The following MKLN1 variants were observed in gnomAD, a reference collection of about 807,000 sequenced individuals.
MKLN1 encodes the protein muskelin.
In MKLN1, 18 loss-of-function variants were observed where a neutral mutation model predicts 99.0. The observed-to-expected ratio is 0.18, with a 90% confidence interval of 0.13 to 0.27. MKLN1 has a LOEUF of 0.27. Among genes scored for constraint, MKLN1 ranks in the 10% least tolerant of loss-of-function variants. The pLI, the probability that MKLN1 is intolerant of heterozygous loss-of-function variation, is 1.00. For synonymous variants in MKLN1, 288 were observed against 293.2 expected (o/e 0.98, Z 0.18); for missense variants, 621 against 875.9 (o/e 0.71, Z 3.67).
At chr7:131,364,247 A>G (rs1385982911) in intron 1 of MKLN1, among the ~76,000 whole-genome samples, 1 of 152,106 alleles carries the variant, frequency 6.6e-6, no homozygotes, top group Non-Finnish European at 1.5e-5. Context: ...TCAAAATACA[A>G]TGTTCTTAGA....
intron 2 of MKLN1, among the ~76,000 whole-genome samples, chr7:131,148,731 G>A (rs2116279138): frequency 6.6e-6 from 1 of 152,240 alleles, no homozygotes. Flanking sequence ...CCACGATTGT[G>A]CAACTACACT....
chr7:131,461,655 A>G lies in MKLN1; in HGVS notation c.1526-1562A>G, dbSNP rs780865829. On this transcript the variant is annotated intron_variant, in intron 12 of 17. Coordinates refer to ENST00000352689, the MANE Select transcript of MKLN1 (RefSeq NM_013255.5). ...GATCAATATGGCTGGCATCTCCTGC[A>G]ATACATAGTATTCTAGGTTGACGTA... Among the ~76,000 whole-genome samples, 163 of 152,208 alleles carry G rather than the reference A, an allele frequency of 1.1e-3. 1 individual carries two copies. Among genetic ancestry groups the G allele is most frequent in the Non-Finnish European group, 1.6e-3 (111 of 68,032 alleles).
chr7:131,125,196 T>C (rs1480875274), intron 1 of MKLN1, among the ~76,000 whole-genome samples: 2 of 152,246 alleles, frequency 1.3e-5, no homozygotes, highest in Non-Finnish European at 1.5e-5. Flanking sequence ...CTTCAGCTTA[T>C]CTGATATCTA....
chr7:131,296,996 C>T (rs1798299781), intron 3 of MKLN1, among the ~76,000 whole-genome samples: 1 of 152,156 alleles, frequency 6.6e-6, no homozygotes, highest in Non-Finnish European at 1.5e-5. Flanking sequence ...GCCTCAGCCT[C>T]CCAAAGTGCT....
At chr7:131,423,022 G>A (rs1358169250) in intron 8 of MKLN1, among the ~76,000 whole-genome samples, 1 of 152,190 alleles carries the variant, frequency 6.6e-6, no homozygotes, top group East Asian at 1.9e-4. Flanking sequence ...TGAATAGAAA[G>A]AGAAAAGCCA....
chr7:131,218,550 C>T (rs1302152457), intron 3 of MKLN1, among the ~76,000 whole-genome samples: 1 of 152,208 alleles, frequency 6.6e-6, no homozygotes, highest in Non-Finnish European at 1.5e-5. Context: ...GAGGTTAAAA[C>T]AAGATGTAGT....
intron 16 of MKLN1, among the ~76,000 whole-genome samples, chr7:131,475,885 A>G (rs1039373474): frequency 2.0e-5 from 3 of 152,238 alleles, no homozygotes; most frequent in African/African-American, 7.2e-5. Context: ...AATATTTTTC[A>G]TGAACATAAA....
chr7:131,336,849 T>C (rs544245944), intron 1 of MKLN1, among the ~76,000 whole-genome samples: 10 of 152,292 alleles, frequency 6.6e-5, no homozygotes, highest in African/African-American at 2.4e-4. Flanking sequence ...TCCTTTTGTA[T>C]TTACATGCTT....
intron 2 of MKLN1, among the ~76,000 whole-genome samples, chr7:131,151,364 T>C (rs1795886444): frequency 6.6e-6 from 1 of 152,204 alleles, no homozygotes; most frequent in Non-Finnish European, 1.5e-5. Flanking sequence ...CAAAGGTGAC[T>C]TTGGAGGGGA....
At chr7:131,386,972 A>G (rs887564916) in intron 2 of MKLN1, 148 bp from the exon 3 acceptor site, 1 of 596,206 alleles carries the variant, frequency 1.7e-6, no homozygotes, top group African/African-American at 1.9e-5. Flanking sequence ...GCTGTTATGT[A>G]CTATTCTATA....
chr7:131,465,414 C>G (rs1442878900), intron 14 of MKLN1, among the ~76,000 whole-genome samples: 2 of 152,118 alleles, frequency 1.3e-5, no homozygotes, highest in Non-Finnish European at 1.5e-5. Flanking sequence ...ATAGTGAAAT[C>G]ATTATAAATT....
intron 3 of MKLN1, among the ~76,000 whole-genome samples, chr7:131,251,711 C>T (rs1420005372): frequency 2.6e-5 from 4 of 151,236 alleles, no homozygotes; most frequent in Non-Finnish European, 4.4e-5. Context: ...CAAGTCTTGC[C>T]CAGATTGGAG....
chr7:131,197,626 A>G (rs986113110), intron 2 of MKLN1, among the ~76,000 whole-genome samples: 3 of 151,892 alleles, frequency 2.0e-5, no homozygotes, highest in African/African-American at 7.3e-5. Context: ...CTTCTAGAGC[A>G]TGCCTGATAG....
chr7:131,112,533 C>G, intron 1 of MKLN1, among the ~76,000 whole-genome samples: 1 of 152,182 alleles, frequency 6.6e-6, no homozygotes, highest in South Asian at 2.1e-4. Flanking sequence ...ATAAGAGTTA[C>G]AAAAGGATAT....
Position 131,489,622 on chromosome 7 carries a change from G to C in MKLN1, c.*1894G>C, listed in dbSNP as rs999049483. The stretch of plus-strand genomic sequence containing the variant: ...AGACTTCCTAAATTTAAAAGCTCTA[G>C]TTTTGCTTAGTGTGAATTCTGGCAC... On this transcript the variant is annotated 3_prime_UTR_variant, in exon 18 of 18. Coordinates refer to ENST00000352689, the MANE Select transcript of MKLN1 (RefSeq NM_013255.5). 1 of 152,146 alleles carries C rather than the reference G, an allele frequency of 6.6e-6. No homozygotes were observed. The highest frequency in any genetic ancestry group is 2.4e-5 in the African/African-American group (1 of 41,432). The allele number at this position is 152,146 out of a possible 1,614,324, so 9.4% of individuals were successfully genotyped here.
intron 2 of MKLN1, among the ~76,000 whole-genome samples, chr7:131,179,617 C>T (rs1183105946): frequency 6.6e-6 from 1 of 152,058 alleles, no homozygotes; most frequent in South Asian, 2.1e-4. Flanking sequence ...GCTCTGTCAC[C>T]AGGCTGGAGT....
chr7:131,420,224 A>G (rs1405093166), intron 8 of MKLN1, among the ~76,000 whole-genome samples: 1 of 152,018 alleles, frequency 6.6e-6, no homozygotes, highest in African/African-American at 2.4e-5. Flanking sequence ...GAATGAGCCC[A>G]TCAGCTGGCT....
chr7:131,184,720 T>C (rs1216954593), intron 2 of MKLN1, among the ~76,000 whole-genome samples: 2 of 151,912 alleles, frequency 1.3e-5, no homozygotes, highest in African/African-American at 4.8e-5. Flanking sequence ...AGAGACAGGG[T>C]TTCACCACAT....
chr7:131,256,731 T>C (rs774860946), intron 3 of MKLN1, among the ~76,000 whole-genome samples: 3 of 152,132 alleles, frequency 2.0e-5, no homozygotes, highest in Non-Finnish European at 4.4e-5. Flanking sequence ...GCTGCACTTA[T>C]AAGTAGGAGC....
Sources: gnomAD v4.1 joint callset for allele counts (sites outside exome capture counted in the v4.1 genomes callset) on GRCh38, gnomAD v4.1.1 for gene constraint, MANE v1.5 for transcripts, NCBI Gene and HGNC (gene_info 2026-07-23, HGNC 2026-07-21) for gene names.